The following ALDH1L1 variants were observed in gnomAD, a reference collection of about 807,000 sequenced individuals.
The protein encoded by ALDH1L1 is aldehyde dehydrogenase 1 family member L1.
ALDH1L1 carries 68 observed loss-of-function variants against 101.1 expected under a neutral mutation model. The ratio of observed to expected loss-of-function variants is 0.67; its 90% confidence interval spans 0.55 to 0.82. The LOEUF (loss-of-function observed/expected upper bound fraction) is 0.82, where lower values mean the gene tolerates loss of function less well. Ranked by LOEUF, ALDH1L1 falls within the 40% of genes least tolerant of loss-of-function variation. ALDH1L1 has a pLI of 0.00. For synonymous variants in ALDH1L1, 486 were observed against 470.8 expected (o/e 1.03, Z -0.42); for missense variants, 1,087 against 1,172.7 (o/e 0.93, Z 1.07).
At chr3:126,169,072 A>T (rs1403913866) in intron 1 of ALDH1L1, among the ~76,000 whole-genome samples, 1 of 152,220 alleles carries the variant, frequency 6.6e-6, no homozygotes, top group Admixed American at 6.5e-5. Flanking sequence ...ACAACAAAAC[A>T]TGCAGAACTC....
chr3:126,184,947 T>C (rs144281825), upstream of ALDH1L1, among the ~76,000 whole-genome samples: 14 of 152,286 alleles, frequency 9.2e-5, no homozygotes, highest in South Asian at 4.1e-4. Context: ...GTTCAGATGC[T>C]TCTACCCTGC....
At chr3:126,193,911 C>A (rs1233605575) in intron 1 of ALDH1L1, among the ~76,000 whole-genome samples, 1 of 152,040 alleles carries the variant, frequency 6.6e-6, no homozygotes, top group Admixed American at 6.6e-5. Context: ...CATTAAAGTT[C>A]CAGGAATTCT....
intron 9 of ALDH1L1, among the ~76,000 whole-genome samples, chr3:126,141,829 A>T (rs2080574548): frequency 6.6e-6 from 1 of 152,118 alleles, no homozygotes. Context: ...CAAAACTAGC[A>T]GAAGGAAGTA....
intron 1 of ALDH1L1, among the ~76,000 whole-genome samples, chr3:126,170,107 GTAAC>G (rs1485836698): frequency 6.6e-6 from 1 of 152,088 alleles, no homozygotes; most frequent in Non-Finnish European, 1.5e-5. Context: ...TAAAAGTTAA[GTAAC>G]TAAGTAAAAA....
At chr3:126,154,442 G>T in intron 6 of ALDH1L1, 112 bp downstream of exon 6, 2 of 1,123,428 alleles carry the variant, frequency 1.8e-6, no homozygotes, top group African/African-American at 1.5e-5. Context: ...GGGAGTAGGG[G>T]CCAGGGCAGT....
At chr3:126,120,724 T>C (rs944765572) in intron 16 of ALDH1L1, among the ~76,000 whole-genome samples, 3 of 152,146 alleles carry the variant, frequency 2.0e-5, no homozygotes, top group Admixed American at 2.0e-4. Context: ...ACTCTGTACT[T>C]TCTGCTCAAT....
chr3:126,123,355 T>G (rs371942342), intron 16 of ALDH1L1, among the ~76,000 whole-genome samples: 2 of 151,860 alleles, frequency 1.3e-5, no homozygotes, highest in East Asian at 1.9e-4. Flanking sequence ...CCTCCCAGGT[T>G]CAGGCGATTC....
At chr3:126,131,276 G>A in intron 13 of ALDH1L1, 108 bp downstream of exon 13, 1 of 1,328,470 alleles carries the variant, frequency 7.5e-7, no homozygotes. Context: ...GCCACCAGTT[G>A]TGGTCATTTG....
intron 9 of ALDH1L1, among the ~76,000 whole-genome samples, chr3:126,143,249 G>A (rs905806567): frequency 6.6e-6 from 1 of 152,146 alleles, no homozygotes; most frequent in Non-Finnish European, 1.5e-5. Context: ...AAAATCCTAA[G>A]TTGAAGCATC....
At chr3:126,150,084 T>C (rs1452381432) in intron 8 of ALDH1L1, among the ~76,000 whole-genome samples, 1 of 152,214 alleles carries the variant, frequency 6.6e-6, no homozygotes, top group Non-Finnish European at 1.5e-5. Flanking sequence ...AGTGCTCACA[T>C]TCTAATCACA....
At chr3:126,118,202 CA>C in intron 16 of ALDH1L1, 104 bp from the exon 17 acceptor site, 1 of 865,558 alleles carries the variant, frequency 1.2e-6, no homozygotes, top group Non-Finnish European at 1.9e-6. Context: ...CTGAGGCCCT[CA>C]AAATGCTCCC....
Position 126,173,447 on chromosome 3 carries a change from A to G in ALDH1L1, c.-24+7029T>C, listed in dbSNP as rs568556402. On this transcript the variant is annotated intron_variant, in intron 1 of 22. Transcript: ENST00000393434. The stretch of plus-strand genomic sequence containing the variant: ...GTCAACCACTAAAAAAGCAACAACA[A>G]AAAAGTAAAACTGATATGCTAAGAG... Among the ~76,000 whole-genome samples the G allele has an allele frequency of 3.6e-4, 55 of 152,314 alleles. 1 individual carries two copies. In the South Asian group the frequency reaches 1.0e-2, roughly 28 times the overall value.
chr3:126,164,146 G>A (rs915108163), intron 1 of ALDH1L1, among the ~76,000 whole-genome samples: 1 of 151,950 alleles, frequency 6.6e-6, no homozygotes, highest in African/African-American at 2.4e-5. Flanking sequence ...AAAAAGGCAA[G>A]GCAAGGCAAG....
rs1186186430 is a variant in ALDH1L1, at chr3:126,131,477, A to T, written c.1530T>A (p.Asp510Glu). 1 of 1,613,166 alleles carries T rather than the reference A, an allele frequency of 6.2e-7. No homozygotes were observed. The highest frequency in any genetic ancestry group is 2.2e-5 in the East Asian group (1 of 44,854). The change falls in exon 13 of 23, where the codon GAT becomes GAA. Residue 510 changes from aspartate to glutamate, a missense_variant. Transcript: ENST00000393434. The stretch of plus-strand genomic sequence containing the variant: ...GGGCCAGCGTGTAGACGGCACCCGC[A>T]TCCAGGGCCTCAATGGTGGCCAGCT... ...QEELATIEAL[D>E]AGAVYTLALK...
rs1447705446 is a variant in ALDH1L1 at position 126,136,890 on chromosome 3, G to T, written c.1225-7C>A. On this transcript the variant is annotated splice_polypyrimidine_tract_variant and splice_region_variant and intron_variant, in intron 10 of 22. Transcript: ENST00000393434. Reference sequence around the variant, plus strand: ...TGTTCACTGCCATTTCCACCTGAAAGAAAGGCCCCAGTGACAAGCACAAAC... The same window carrying T: ...TGTTCACTGCCATTTCCACCTGAAATAAAGGCCCCAGTGACAAGCACAAAC... 6.2e-7 allele frequency: 1 copy of T among 1,613,664 alleles called. No individual in the cohort carries two copies.
intron 20 of ALDH1L1, among the ~76,000 whole-genome samples, chr3:126,109,536 T>C (rs573760610): frequency 6.6e-5 from 10 of 152,066 alleles, no homozygotes; most frequent in African/African-American, 2.4e-4. Context: ...AAGTCCCCCA[T>C]GAGAGGTGTT....
At chr3:126,137,997 G>C in intron 9 of ALDH1L1, 37 bp from the exon 10 acceptor site, 4 of 1,612,028 alleles carry the variant, frequency 2.5e-6, no homozygotes, top group South Asian at 1.1e-5. Context: ...GACACGGGAG[G>C]GGCTCAGCAG....
chr3:126,112,645 G>A, intron 19 of ALDH1L1, 137 bp downstream of exon 19: 1 of 754,000 alleles, frequency 1.3e-6, no homozygotes, highest in South Asian at 1.7e-5. Flanking sequence ...TGGGTTCCCT[G>A]ACCCCCGGGG....
At chr3:126,161,489 G>T (rs1048736402) in intron 1 of ALDH1L1, among the ~76,000 whole-genome samples, 1 of 152,184 alleles carries the variant, frequency 6.6e-6, no homozygotes, top group African/African-American at 2.4e-5. Context: ...CCGCCGAAGG[G>T]GCTGTCCAGC....
Sources: allele counts gnomAD v4.1 joint callset (sites outside exome capture counted in the v4.1 genomes callset), GRCh38; gene constraint gnomAD v4.1.1; transcripts MANE v1.5; gene names NCBI Gene and HGNC (gene_info 2026-07-23, HGNC 2026-07-21).